AGBL3: variants seen among roughly 807,000 people sequenced by gnomAD.
AGBL3 encodes AGBL carboxypeptidase 3.
AGBL3 carries 68 observed loss-of-function variants against 94.5 expected under a neutral mutation model. That is an observed-to-expected ratio of 0.72 (90% CI 0.59 to 0.88). The LOEUF is 0.88. Among genes scored for constraint, AGBL3 ranks in the 40% least tolerant of loss-of-function variants. The pLI is 0.00. For missense variants in AGBL3, 934 were observed against 1,103.8 expected (o/e 0.85, Z 2.18); for synonymous variants, 354 against 370.7 (o/e 0.95, Z 0.52).
At chr7:135,046,234 C>T (rs1251634174) in intron 11 of AGBL3, among the ~76,000 whole-genome samples, 1 of 152,036 alleles carries the variant, frequency 6.6e-6, no homozygotes, top group Non-Finnish European at 1.5e-5. Flanking sequence ...TTTAGATTCA[C>T]AGCAAAATGG....
chr7:135,068,384 A>C (rs1332053695), intron 12 of AGBL3, among the ~76,000 whole-genome samples: 2 of 152,154 alleles, frequency 1.3e-5, no homozygotes, highest in Admixed American at 6.5e-5. Flanking sequence ...AATACAGAGA[A>C]CACCACAAAG....
At chr7:135,096,596 G>GATAGATAC (rs1822830863) in intron 15 of AGBL3, among the ~76,000 whole-genome samples, 12 of 134,378 alleles carry the variant, frequency 8.9e-5, no homozygotes, top group Non-Finnish European at 1.5e-4. Flanking sequence ...TAGATAGATA[G>GATAGATAC]ATAGATAGAT....
intron 13 of AGBL3, among the ~76,000 whole-genome samples, chr7:135,078,014 A>G (rs1820615059): frequency 6.6e-6 from 1 of 152,122 alleles, no homozygotes; most frequent in Admixed American, 6.6e-5. Context: ...TTAGCTACCT[A>G]CTGCAACAAC....
chr7:134,989,151 CATAT>C (rs2133354204), intron 2 of AGBL3, 95 bp from the exon 3 acceptor site: 1 of 751,966 alleles, frequency 1.3e-6, no homozygotes, highest in East Asian at 2.8e-5. Context: ...AGGTTAAAGA[CATAT>C]ACTCAATCCC....
intron 1 of AGBL3, among the ~76,000 whole-genome samples, chr7:134,986,976 C>T (rs1214690847): frequency 6.6e-6 from 1 of 152,266 alleles, no homozygotes; most frequent in Non-Finnish European, 1.5e-5. Flanking sequence ...GAGCTGTATC[C>T]GCAGCAGGTC....
intron 12 of AGBL3, among the ~76,000 whole-genome samples, chr7:135,072,691 A>G (rs1820042148): frequency 6.7e-6 from 1 of 149,244 alleles, no homozygotes; most frequent in African/African-American, 2.5e-5. Context: ...GCATGTTCTC[A>G]CTCATAGGTG....
chr7:135,089,204 TTTC>T (rs1821577538), intron 15 of AGBL3, among the ~76,000 whole-genome samples: 2 of 152,194 alleles, frequency 1.3e-5, no homozygotes, highest in Non-Finnish European at 2.9e-5. Flanking sequence ...AGCTGTGATA[TTTC>T]TTTTTTATTA....
chr7:135,000,220 T>C (rs1386358020), intron 4 of AGBL3, among the ~76,000 whole-genome samples: 1 of 152,260 alleles, frequency 6.6e-6, no homozygotes, highest in Non-Finnish European at 1.5e-5. Context: ...GTATAATGGT[T>C]AATTTTATGT....
chr7:135,119,871 C>T (rs1234419283), intron 16 of AGBL3, among the ~76,000 whole-genome samples: 4 of 151,702 alleles, frequency 2.6e-5, no homozygotes, highest in East Asian at 1.9e-4. Flanking sequence ...AGCGAGACTC[C>T]GTCTCAAAAA....
chr7:135,054,952 G>A (rs1254280663), intron 11 of AGBL3, among the ~76,000 whole-genome samples: 1 of 152,208 alleles, frequency 6.6e-6, no homozygotes, highest in African/African-American at 2.4e-5. Context: ...AAGCATGATG[G>A]TAGCACCTGC....
At chr7:135,127,759 C>T (rs1828093137) in intron 16 of AGBL3, among the ~76,000 whole-genome samples, 1 of 152,114 alleles carries the variant, frequency 6.6e-6, no homozygotes, top group South Asian at 2.1e-4. Flanking sequence ...TTGTGGAAGA[C>T]AGTATGGCGA....
chr7:135,000,955 A>G (rs1584780526), intron 4 of AGBL3, among the ~76,000 whole-genome samples: 1 of 152,194 alleles, frequency 6.6e-6, no homozygotes, highest in Non-Finnish European at 1.5e-5. Flanking sequence ...CAGGTATTCT[A>G]TACTATTTCC....
chr7:135,031,542 C>A (rs562998700), intron 5 of AGBL3, among the ~76,000 whole-genome samples: 1 of 152,336 alleles, frequency 6.6e-6, no homozygotes, highest in Admixed American at 6.5e-5. Context: ...CAGGCATGAA[C>A]CACTGCATCC....
At chr7:135,052,063 A>T (rs2116626513) in intron 11 of AGBL3, among the ~76,000 whole-genome samples, 1 of 152,266 alleles carries the variant, frequency 6.6e-6, no homozygotes, top group South Asian at 2.1e-4. Context: ...ATAACAGGGA[A>T]CATTCAAAAA....
Position 135,081,730 on chromosome 7 carries a change from A to G in AGBL3, c.2050A>G (p.Asn684Asp). 1 of 1,540,456 alleles carries G rather than the reference A, an allele frequency of 6.5e-7. No homozygotes were observed. The highest frequency in any genetic ancestry group is 2.5e-5 in the East Asian group (1 of 40,754). ...SNSDVKDTRP[N>D]EPDDYMVDYF... is the part of the protein sequence containing the mutation. ...ATCATCTTCTCTAGATACAAGGCCA[A>G]ATGAACCAGATGATTATATGGTTGA... Residue 684 changes from asparagine (N) to aspartate (D), a missense_variant, in exon 15 of 17, where the codon AAT (asparagine) becomes GAT (aspartate). Coordinates refer to ENST00000436302, the MANE Select transcript of AGBL3 (RefSeq NM_178563.4).
chr7:135,094,646 G>A (rs987448613), intron 15 of AGBL3: 2 of 411,322 alleles, frequency 4.9e-6, no homozygotes, highest in Admixed American at 5.7e-5. Context: ...CGTAACAAGG[G>A]CCTACTCTCT....
chr7:135,059,317 AT>A, intron 12 of AGBL3, 82 bp downstream of exon 12: 9 of 693,744 alleles, frequency 1.3e-5, no homozygotes, highest in South Asian at 2.3e-5. Context: ...GGCAAAAAAA[AT>A]TGCAGATATG....
chr7:135,072,028 A>G (rs1223540023), intron 12 of AGBL3, among the ~76,000 whole-genome samples: 1 of 152,272 alleles, frequency 6.6e-6, no homozygotes, highest in Non-Finnish European at 1.5e-5. Context: ...CAAAGGGCTC[A>G]TATCCAAAAT....
chr7:134,988,933 C>T (rs568111446), intron 2 of AGBL3, among the ~76,000 whole-genome samples: 4 of 152,200 alleles, frequency 2.6e-5, no homozygotes, highest in East Asian at 3.9e-4. Context: ...CCGCCACGCC[C>T]GGCCAATTTT....
Sources: gnomAD v4.1 joint callset for allele counts (sites outside exome capture counted in the v4.1 genomes callset) on GRCh38, gnomAD v4.1.1 for gene constraint, MANE v1.5 for transcripts, NCBI Gene and HGNC (gene_info 2026-07-23, HGNC 2026-07-21) for gene names.